ADAP1: variants seen among roughly 807,000 people sequenced by gnomAD.
ADAP1 encodes arf-GAP with dual PH domain-containing protein 1.
ADAP1 carries 31 observed loss-of-function variants against 54.9 expected under a neutral mutation model. That is an observed-to-expected ratio of 0.56 (90% CI 0.42 to 0.76). The LOEUF is 0.76. ADAP1 is among the 30% of genes least tolerant of loss of function. The pLI is 0.00. For missense variants in ADAP1, 535 were observed against 512.4 expected (o/e 1.04, Z -0.42); for synonymous variants, 313 against 202.6 (o/e 1.55, Z -4.63).
In ADAP1 at chr7:954,652, C is replaced by T. The variant is rs1847345303; in HGVS notation, c.-175G>A. 1.0e-6 allele frequency: 1 copy of T among 982,712 alleles called. No individual in the cohort carries two copies. Among genetic ancestry groups the T allele is most frequent in the Non-Finnish European group, 1.2e-6 (1 of 829,342 alleles). 60.9% of individuals were successfully genotyped at this position (982,712 alleles called of 1,614,324 possible). On this transcript the variant is annotated 5_prime_UTR_variant, in exon 1 of 11. Transcript: ENST00000265846. ...CCCTCTGGGCTCCGCCGCCGCCGCT[C>T]GTGTCTCCGCCGCGGTCGCTGAGCG...
At chr7:937,027 C>T (rs1228049062) in intron 1 of ADAP1, among the ~76,000 whole-genome samples, 3 of 151,376 alleles carry the variant, frequency 2.0e-5, no homozygotes, top group Non-Finnish European at 4.4e-5. Flanking sequence ...GGGGATGGTG[C>T]GTGAGAACCA....
intron 2 of ADAP1, among the ~76,000 whole-genome samples, chr7:928,412 G>T (rs1221257411): frequency 1.3e-5 from 2 of 152,136 alleles, no homozygotes; most frequent in African/African-American, 4.8e-5. Flanking sequence ...ATGGGTAAGG[G>T]TTTTTAAAAT....
upstream of ADAP1, chr7:954,789 C>A: frequency 1.2e-6 from 1 of 859,586 alleles, no homozygotes; most frequent in Non-Finnish European, 1.4e-6. Context: ...GCTCCGGCGC[C>A]CCCAGCCCGC....
At chr7:914,202 G>A (rs764586645) in intron 4 of ADAP1, among the ~76,000 whole-genome samples, 4 of 152,170 alleles carry the variant, frequency 2.6e-5, no homozygotes, top group Non-Finnish European at 4.4e-5. Flanking sequence ...CCACTCCTCT[G>A]TGCAGAGCGG....
intron 4 of ADAP1, among the ~76,000 whole-genome samples, chr7:911,903 C>T (rs997456527): frequency 1.3e-5 from 2 of 152,148 alleles, no homozygotes; most frequent in African/African-American, 4.8e-5. Context: ...AACACCCGTC[C>T]CCCCGAGGGG....
upstream of ADAP1, chr7:955,327 C>A (rs1295825202): frequency 6.5e-7 from 1 of 1,550,312 alleles, no homozygotes; most frequent in African/African-American, 1.4e-5. Context: ...CCTCTGCACA[C>A]CCCAGCATCT....
In ADAP1 at chr7:905,080, T is replaced by C; in HGVS notation, c.481A>G (p.Lys161Glu). The change falls in exon 5 of 11, where the codon AAG becomes GAG. Residue 161 changes from lysine (K) to glutamate (E), a missense_variant. By Grantham distance (56) the Lys-to-Glu change is moderately conservative. Coordinates refer to ENST00000265846, the MANE Select transcript of ADAP1 (RefSeq NM_006869.4). ...FVLTEREGAL[K>E]YFNRNDAKEP... is the part of the protein sequence containing the mutation. ...CTCACATCATTTCTGTTGAAATACT[T>C]CAGAGCACCCTCTCGTTCTGTCAGC... 2 of 1,611,862 alleles carry C rather than the reference T, an allele frequency of 1.2e-6. No individual in the cohort carries two copies. Among genetic ancestry groups the C allele is most frequent in the Non-Finnish European group, 8.5e-7 (1 of 1,179,882 alleles).
At chr7:924,698 C>G (rs1846323557) in intron 3 of ADAP1, among the ~76,000 whole-genome samples, 1 of 151,272 alleles carries the variant, frequency 6.6e-6, no homozygotes. Flanking sequence ...TCACCCAGGA[C>G]CCAACAGCAG....
chr7:922,594 C>A (rs1047934320), intron 3 of ADAP1, among the ~76,000 whole-genome samples: 3 of 152,242 alleles, frequency 2.0e-5, no homozygotes, highest in Middle Eastern at 3.4e-3. Context: ...CCCTGAGGGT[C>A]CACTCCTGAG....
At chr7:930,101 CAAAAAAAAA>C (rs1170304660) in intron 2 of ADAP1, among the ~76,000 whole-genome samples, 7 of 33,278 alleles carry the variant, frequency 2.1e-4, no homozygotes, top group African/African-American at 7.8e-4. Context: ...AAGACTGTCT[CAAAAAAAAA>C]AAAAAAAAAA....
At position 926,439 on chromosome 7, in the gene ADAP1, T is replaced by C. The variant is rs1022270063; in HGVS notation, c.305+114A>G. Reference sequence around the variant, plus strand: ...CTGGGGGACGCAGCTGCGGCTGGCTTCTCCCCGACCCTGTGGGCGGCACCC... The same window carrying C: ...CTGGGGGACGCAGCTGCGGCTGGCTCCTCCCCGACCCTGTGGGCGGCACCC... On this transcript the variant is annotated intron_variant, in intron 3 of 10. Transcript: ENST00000265846. This position sits in a 1 kb window ranked among gnomAD's most constrained non-coding sequence, Gnocchi z 4.6. 18 of 808,428 alleles carry C rather than the reference T, an allele frequency of 2.2e-5. No individual in the cohort carries two copies. Among genetic ancestry groups the C allele is most frequent in the Non-Finnish European group, 1.8e-5 (10 of 558,350 alleles). The allele number at this position is 808,428 out of a possible 1,614,324, so 50.1% of individuals were successfully genotyped here.
intron 6 of ADAP1, chr7:901,195 C>T (rs1844793790): frequency 2.8e-6 from 1 of 361,072 alleles, no homozygotes; most frequent in African/African-American, 2.1e-5. Context: ...GCCCATAGCC[C>T]AGGCCTGGCA....
intron 2 of ADAP1, among the ~76,000 whole-genome samples, chr7:929,935 C>A (rs1245209689): frequency 2.6e-5 from 4 of 151,576 alleles, no homozygotes; most frequent in African/African-American, 9.7e-5. Context: ...AGACCCCCGT[C>A]TCTACAAAAA....
chr7:905,588 A>AGAAAGGAGAAAGG (rs1845177049), intron 4 of ADAP1: 2 of 29,270 alleles, frequency 6.8e-5, no homozygotes, highest in Non-Finnish European at 9.6e-5. Context: ...AGGAGAAAGG[A>AGAAAGGAGAAAGG]GAAAGGAGAA....
intron 3 of ADAP1, among the ~76,000 whole-genome samples, chr7:925,669 C>A (rs1006685529): frequency 1.3e-5 from 2 of 152,254 alleles, no homozygotes; most frequent in African/African-American, 2.4e-5. Context: ...TCTCAGCCCC[C>A]GAGTCAGGGC....
chr7:953,610 C>G (rs1024451249), intron 1 of ADAP1, among the ~76,000 whole-genome samples: 14 of 152,238 alleles, frequency 9.2e-5, no homozygotes, highest in African/African-American at 3.1e-4. Context: ...CCTCTCTCCA[C>G]AGCGCAGCCG....
rs114817283 is a variant in ADAP1 at position 938,001 on chromosome 7, C to T, written c.83-2496G>A. 3.5e-3 allele frequency among the ~76,000 whole-genome samples: 540 copies of T among 152,286 alleles called. 4 individuals are homozygous for T. The highest frequency in any genetic ancestry group is 0.013 in the African/African-American group (520 of 41,560). On this transcript the variant is annotated intron_variant, in intron 1 of 10. Coordinates refer to ENST00000265846, the MANE Select transcript of ADAP1 (RefSeq NM_006869.4). This position sits in a 1 kb window ranked among gnomAD's most constrained non-coding sequence, Gnocchi z 4.4. The stretch of plus-strand genomic sequence containing the variant: ...CCTACTTCAGCAGAGCCCCTGTCTT[C>T]GAGAGAGACCACAGGCTTTCTCCTC...
chr7:900,333 C>T (rs781121997), intron 7 of ADAP1, among the ~76,000 whole-genome samples, 169 bp from the exon 8 acceptor site: 17 of 152,188 alleles, frequency 1.1e-4, no homozygotes, highest in Non-Finnish European at 2.5e-4. Context: ...CACCCCTTCC[C>T]TCCCCGCTTT....
intron 4 of ADAP1, among the ~76,000 whole-genome samples, chr7:909,864 G>A (rs544571895): frequency 6.6e-6 from 1 of 152,046 alleles, no homozygotes; most frequent in South Asian, 2.1e-4. Context: ...GGGGTGGGGG[G>A]GGTTCTACTG....
Sources: gnomAD v4.1 joint callset for allele counts (sites outside exome capture counted in the v4.1 genomes callset) on GRCh38, gnomAD v4.1.1 for gene constraint, Gnocchi (gnomAD v3.1) non-coding constraint, MANE v1.5 for transcripts, NCBI Gene and HGNC (gene_info 2026-07-23, HGNC 2026-07-21) for gene names.